IMMP2L: variants seen among roughly 807,000 people sequenced by gnomAD.
The protein encoded by IMMP2L is mitochondrial inner membrane protease subunit 2.
In IMMP2L, 18 loss-of-function variants were observed where a neutral mutation model predicts 19.3. The ratio of observed to expected loss-of-function variants is 0.93; its 90% CI spans 0.64 to 1.38. The LOEUF (loss-of-function observed/expected upper bound fraction) is 1.38. IMMP2L is among the 40% of genes most tolerant of loss of function. IMMP2L has a pLI of 0.00. For missense variants in IMMP2L, 233 were observed against 218.2 expected, an observed-to-expected ratio of 1.07 and a Z score of -0.43; for synonymous variants, 76 against 73.0, an observed-to-expected ratio of 1.04 and a Z score of -0.21.
intron 2 of IMMP2L, among the ~76,000 whole-genome samples, chr7:111,499,869 C>A (rs1843992415): frequency 6.6e-6 from 1 of 152,130 alleles, no homozygotes; most frequent in South Asian, 2.1e-4. Flanking sequence ...CTACAGCTCC[C>A]AGAATGAGCG....
chr7:110,985,738 A>C (rs866232179), intron 3 of IMMP2L, among the ~76,000 whole-genome samples: 2 of 152,162 alleles, frequency 1.3e-5, no homozygotes, highest in South Asian at 4.1e-4. Flanking sequence ...GAGCATCAAA[A>C]TCAGAAAGTA....
intron 3 of IMMP2L, among the ~76,000 whole-genome samples, chr7:110,996,326 C>T (rs1345088117): frequency 6.6e-6 from 1 of 152,036 alleles, no homozygotes; most frequent in Admixed American, 6.6e-5. Context: ...AAAACTACAA[C>T]ACATTTCAGG....
At chr7:111,539,205 A>AGGG (rs1848248614) in intron 1 of IMMP2L, among the ~76,000 whole-genome samples, 2 of 54,986 alleles carry the variant, frequency 3.6e-5, no homozygotes, top group African/African-American at 7.9e-5. Flanking sequence ...GGAGAAAGAA[A>AGGG]GAAAGAAAGA....
At chr7:111,128,791 T>C (rs1251952018) in intron 3 of IMMP2L, among the ~76,000 whole-genome samples, 1 of 152,112 alleles carries the variant, frequency 6.6e-6, no homozygotes, top group Non-Finnish European at 1.5e-5. Context: ...CACCACTGCA[T>C]GCCACGCTGG....
At chr7:111,367,601 T>A (rs528375728) in intron 3 of IMMP2L, among the ~76,000 whole-genome samples, 2 of 151,994 alleles carry the variant, frequency 1.3e-5, no homozygotes, top group Admixed American at 6.6e-5. Flanking sequence ...ATTCATTATA[T>A]CTTTCAATTT....
chr7:111,458,528 C>A (rs776467458), intron 3 of IMMP2L, among the ~76,000 whole-genome samples: 1 of 152,102 alleles, frequency 6.6e-6, no homozygotes, highest in African/African-American at 2.4e-5. Context: ...TTCCTCCTAT[C>A]TTTCTCCTCT....
chr7:110,721,217 C>T (rs1235966441), intron 5 of IMMP2L, among the ~76,000 whole-genome samples: 2 of 151,962 alleles, frequency 1.3e-5, no homozygotes, highest in African/African-American at 4.8e-5. Context: ...CAGATACCAT[C>T]TTTATGTGTA....
At chr7:110,831,602 T>C (rs923051016) in intron 5 of IMMP2L, among the ~76,000 whole-genome samples, 3 of 152,186 alleles carry the variant, frequency 2.0e-5, no homozygotes, top group African/African-American at 7.2e-5. Flanking sequence ...AGATCTCATT[T>C]GCAAAATGAA....
At chr7:111,298,597 CA>C (rs768547478) in intron 3 of IMMP2L, among the ~76,000 whole-genome samples, 3 of 151,278 alleles carry the variant, frequency 2.0e-5, no homozygotes, top group African/African-American at 4.9e-5. Flanking sequence ...TAAAAACACA[CA>C]AAAAAAATTT....
intron 5 of IMMP2L, among the ~76,000 whole-genome samples, chr7:110,681,059 A>C (rs1027205148): frequency 3.3e-5 from 5 of 152,058 alleles, no homozygotes; most frequent in African/African-American, 4.8e-5. Context: ...GGATTAAAAA[A>C]AAAAACACAA....
At chr7:111,539,203 A>G (rs1485786216) in intron 1 of IMMP2L, among the ~76,000 whole-genome samples, 101 of 7,580 alleles carry the variant, frequency 0.013, 15 homozygotes, top group South Asian at 0.022. Context: ...AGGGAGAAAG[A>G]AAGAAAGAAA....
intron 3 of IMMP2L, among the ~76,000 whole-genome samples, chr7:111,033,930 A>T (rs2129569415): frequency 6.6e-6 from 1 of 152,334 alleles, no homozygotes; most frequent in Non-Finnish European, 1.5e-5. Context: ...GCTATAAAAT[A>T]AAATAGATCA....
At chr7:110,735,958 C>A (rs1796610959) in intron 5 of IMMP2L, among the ~76,000 whole-genome samples, 1 of 151,418 alleles carries the variant, frequency 6.6e-6, no homozygotes. Context: ...GCCTTGAGGG[C>A]AGAAAAGTTT....
At chr7:111,299,218 C>A (rs1821952436) in intron 3 of IMMP2L, among the ~76,000 whole-genome samples, 2 of 152,076 alleles carry the variant, frequency 1.3e-5, no homozygotes, top group African/African-American at 2.4e-5. Context: ...GAAAGAGTTT[C>A]CATCATGTTC....
chr7:111,048,261 AAAAAG>A (rs1792639116), intron 3 of IMMP2L, among the ~76,000 whole-genome samples: 2 of 148,656 alleles, frequency 1.3e-5, no homozygotes, highest in African/African-American at 5.1e-5. Context: ...AAAAAAAAAA[AAAAAG>A]AAAAAAAGAA....
intron 4 of IMMP2L, among the ~76,000 whole-genome samples, chr7:110,912,863 A>T (rs924985927): frequency 1.3e-5 from 2 of 151,994 alleles, no homozygotes; most frequent in Non-Finnish European, 2.9e-5. Flanking sequence ...CACAACCCAC[A>T]CTATGAGAAC....
chr7:110,823,322 C>A (rs1803199523), intron 5 of IMMP2L, among the ~76,000 whole-genome samples: 1 of 151,908 alleles, frequency 6.6e-6, no homozygotes, highest in Admixed American at 6.6e-5. Flanking sequence ...AATATAGTTG[C>A]ATATACAGTA....
Position 111,029,504 on chromosome 7 carries a change from A to G in IMMP2L, c.240-65939T>C, listed in dbSNP as rs144212593. On this transcript the variant is annotated intron_variant, in intron 3 of 5. Transcript: ENST00000405709. ...TATTTCTTTGCATCAGGTGGCTCTG[A>G]CCAGAGAGGAATCAACTTTCAAAGA... 6.0e-3 allele frequency among the ~76,000 whole-genome samples: 919 copies of G among 152,292 alleles called. 7 individuals are homozygous for G. The highest frequency in any genetic ancestry group is 0.054 in the Middle Eastern group (16 of 294).
intron 3 of IMMP2L, among the ~76,000 whole-genome samples, chr7:111,415,322 A>T (rs747929507): frequency 6.6e-6 from 1 of 151,796 alleles, no homozygotes; most frequent in Non-Finnish European, 1.5e-5. Context: ...ATGAAAAAGG[A>T]TCCTATGAGA....
Sources: allele counts gnomAD v4.1 joint callset (sites outside exome capture counted in the v4.1 genomes callset), GRCh38; gene constraint gnomAD v4.1.1; transcripts MANE v1.5; gene names NCBI Gene and HGNC (gene_info 2026-07-23, HGNC 2026-07-21).